CTNNA3: variants seen among roughly 807,000 people sequenced by gnomAD.
CTNNA3 encodes catenin alpha 3, also known as catenin alpha-3.
Under a neutral mutation model 95.7 loss-of-function variants are expected in CTNNA3, and 76 were observed. The observed-to-expected ratio is 0.79, with a 90% CI of 0.66 to 0.96. The LOEUF (loss-of-function observed/expected upper bound fraction) is 0.96, where lower values mean the gene tolerates loss of function less well. Ranked by LOEUF, CTNNA3 falls within the 40% of genes least tolerant of loss-of-function variation. CTNNA3 has a pLI of 0.00. For synonymous variants in CTNNA3, 431 were observed against 374.4 expected (o/e 1.15, Z -1.74); for missense variants, 1,191 against 1,089.8 (o/e 1.09, Z -1.31).
chr10:67,589,000 G>A (rs12251222), intron 3 of CTNNA3, among the ~76,000 whole-genome samples: 15,633 of 151,554 alleles, frequency 0.1, 1,603 homozygotes, highest in African/African-American at 0.26. Context: ...TGACTTTTGC[G>A]AGCCCAGCAT....
chr10:66,202,931 C>A (rs963148193), intron 13 of CTNNA3, among the ~76,000 whole-genome samples: 1 of 152,154 alleles, frequency 6.6e-6, no homozygotes, highest in African/African-American at 2.4e-5. Context: ...TCTAATTTAG[C>A]AAGGTTTCCT....
At chr10:67,581,702 T>C (rs576939377) in intron 3 of CTNNA3, among the ~76,000 whole-genome samples, 3 of 152,068 alleles carry the variant, frequency 2.0e-5, no homozygotes, top group Non-Finnish European at 4.4e-5. Context: ...ACTTTTTTTG[T>C]TTGGTAGGCT....
chr10:67,741,725 A>G (rs1185162229), intron 1 of CTNNA3, among the ~76,000 whole-genome samples: 2 of 151,464 alleles, frequency 1.3e-5, no homozygotes, highest in East Asian at 3.9e-4. Context: ...CTGGATAAAG[A>G]GTCAAGACCC....
At chr10:67,357,466 A>T (rs914819494) in intron 5 of CTNNA3, among the ~76,000 whole-genome samples, 1 of 152,156 alleles carries the variant, frequency 6.6e-6, no homozygotes, top group Non-Finnish European at 1.5e-5. Flanking sequence ...CAGAAAAGAC[A>T]CTAGAGTAAA....
At chr10:66,233,847 A>G (rs2089719515) in intron 13 of CTNNA3, among the ~76,000 whole-genome samples, 1 of 152,230 alleles carries the variant, frequency 6.6e-6, no homozygotes, top group Non-Finnish European at 1.5e-5. Context: ...GTTAAAGCAC[A>G]TGTATAAGAA....
chr10:67,082,263 G>A lies in CTNNA3; in HGVS notation c.1047+98054C>T, dbSNP rs528536109. ...TCAAATATATTAGTTGGTTTTAACCGCTGCTTGCTCCCTTGTAGTCCATCT... is the reference window on the plus strand; with the variant it reads ...TCAAATATATTAGTTGGTTTTAACCACTGCTTGCTCCCTTGTAGTCCATCT... On this transcript the variant is annotated intron_variant, in intron 7 of 17. Transcript: ENST00000433211. 9.2e-5 allele frequency among the ~76,000 whole-genome samples: 14 copies of A among 152,210 alleles called. 1 individual carries two copies. The highest frequency in any genetic ancestry group is 6.2e-4 in the South Asian group (3 of 4,820).
chr10:67,399,799 GTTTTAAACTTTT>G (rs1844850944), intron 5 of CTNNA3, among the ~76,000 whole-genome samples: 2 of 152,102 alleles, frequency 1.3e-5, no homozygotes, highest in Non-Finnish European at 2.9e-5. Flanking sequence ...AACCAAGACT[GTTTTAAACTTTT>G]GTATCTCCCA....
intron 9 of CTNNA3, among the ~76,000 whole-genome samples, chr10:66,750,059 G>T (rs1276530086): frequency 6.6e-6 from 1 of 152,180 alleles, no homozygotes; most frequent in East Asian, 1.9e-4. Context: ...TTTCAGTTTG[G>T]TTGTTTTCTT....
At chr10:67,391,860 A>G (rs1844505737) in intron 5 of CTNNA3, among the ~76,000 whole-genome samples, 1 of 151,530 alleles carries the variant, frequency 6.6e-6, no homozygotes, top group African/African-American at 2.4e-5. Flanking sequence ...ATTTGTAGAA[A>G]GCTGAAACTG....
intron 14 of CTNNA3, among the ~76,000 whole-genome samples, chr10:66,070,967 C>T (rs1280258647): frequency 2.0e-5 from 3 of 151,738 alleles, no homozygotes; most frequent in Non-Finnish European, 4.4e-5. Context: ...GAATTCTGGT[C>T]CTTTTTCTCA....
intron 1 of CTNNA3, among the ~76,000 whole-genome samples, chr10:67,663,314 A>C (rs1840242170): frequency 6.6e-6 from 1 of 151,818 alleles, no homozygotes; most frequent in Non-Finnish European, 1.5e-5. Context: ...CTTTAAAAAA[A>C]AATTTCTTTT....
At chr10:67,020,100 C>A (rs984994055) in intron 7 of CTNNA3, among the ~76,000 whole-genome samples, 1 of 152,052 alleles carries the variant, frequency 6.6e-6, no homozygotes, top group African/African-American at 2.4e-5. Flanking sequence ...TCCCAAATCG[C>A]CTTACAATAA....
Position 67,389,976 on chromosome 10 carries a change from C to A in CTNNA3, c.579+131866G>T, listed in dbSNP as rs1171515856. ...AAGCAGGAAAGATCCAAAATTGACA[C>A]CCTAACATCACAATTAAAAGAACTA... is the stretch of plus-strand genomic sequence containing the variant. On this transcript the variant is annotated intron_variant, in intron 5 of 17. Transcript: ENST00000433211. Among the ~76,000 whole-genome samples the A allele has an allele frequency of 2.0e-5, 3 of 151,004 alleles. No individual in the cohort carries two copies. The East Asian group carries it at 5.9e-4, about 29-fold the overall frequency.
intron 13 of CTNNA3, among the ~76,000 whole-genome samples, chr10:66,257,428 C>T (rs949874987): frequency 2.6e-5 from 4 of 152,178 alleles, no homozygotes; most frequent in African/African-American, 9.7e-5. Context: ...TGCCAAGCTG[C>T]CTTGTTCCAT....
intron 5 of CTNNA3, among the ~76,000 whole-genome samples, chr10:67,254,313 G>A (rs1477217414): frequency 6.6e-6 from 1 of 152,040 alleles, no homozygotes; most frequent in African/African-American, 2.4e-5. Context: ...AAAAGAGGAA[G>A]AAGTAAGAGA....
In CTNNA3 at chr10:66,841,094, C is replaced by CT. The variant is rs144258979; in HGVS notation, c.1048-65571dup. Among the ~76,000 whole-genome samples, 1,300 of 152,122 alleles carry CT rather than the reference C, an allele frequency of 8.5e-3. 24 individuals carry two copies. Among genetic ancestry groups the CT allele is most frequent in the African/African-American group, 0.03 (1,242 of 41,520 alleles). On this transcript the variant is annotated intron_variant, in intron 7 of 17. Transcript: ENST00000433211. ...AGATAATCAAACTTATGTTAGATTGCTTTTTTTCCTTGTTTTCCCTATTAA... is the reference window on the plus strand; with the variant it reads ...AGATAATCAAACTTATGTTAGATTGCTTTTTTTTCCTTGTTTTCCCTATTAA...
At chr10:67,630,902 A>G (rs1328511896) in intron 2 of CTNNA3, among the ~76,000 whole-genome samples, 1 of 152,206 alleles carries the variant, frequency 6.6e-6, no homozygotes, top group Admixed American at 6.5e-5. Flanking sequence ...CTCACATTCA[A>G]CATAAATCTG....
intron 11 of CTNNA3, among the ~76,000 whole-genome samples, chr10:66,507,096 C>T (rs1205232513): frequency 6.6e-6 from 1 of 152,002 alleles, no homozygotes. Flanking sequence ...AATTTATTTT[C>T]CATTTTCTTT....
chr10:67,677,505 G>T (rs1840556707), intron 1 of CTNNA3, among the ~76,000 whole-genome samples: 1 of 152,126 alleles, frequency 6.6e-6, no homozygotes, highest in Non-Finnish European at 1.5e-5. Context: ...AAACTCACTT[G>T]TGTCTAAATT....
Sources: gnomAD v4.1 joint callset for allele counts (sites outside exome capture counted in the v4.1 genomes callset) on GRCh38, gnomAD v4.1.1 for gene constraint, MANE v1.5 for transcripts, NCBI Gene and HGNC (gene_info 2026-07-23, HGNC 2026-07-21) for gene names.